The following DPY19L3 variants were observed in gnomAD, a reference collection of about 807,000 sequenced individuals.
The protein encoded by DPY19L3 is protein C-mannosyl-transferase DPY19L3.
Under a neutral mutation model 92.3 loss-of-function variants are expected in DPY19L3, and 51 were observed. The observed-to-expected ratio is 0.55, with a 90% confidence interval of 0.44 to 0.70. The LOEUF is 0.70. Among genes scored for constraint, DPY19L3 ranks in the 30% least tolerant of loss-of-function variants. The pLI, the probability that DPY19L3 is intolerant of heterozygous loss-of-function variation, is 0.00. For synonymous variants in DPY19L3, 309 were observed against 315.2 expected, an observed-to-expected ratio of 0.98 and a Z score of 0.21; for missense variants, 706 against 855.9, an observed-to-expected ratio of 0.82 and a Z score of 2.18.
At chr19:32,417,901 A>G (rs1968431445) in intron 3 of DPY19L3, among the ~76,000 whole-genome samples, 1 of 152,226 alleles carries the variant, frequency 6.6e-6, no homozygotes, top group African/African-American at 2.4e-5. Flanking sequence ...GGCAGGGAAC[A>G]ATGAGCTCAG....
chr19:32,474,178 T>G (rs1368377810), intron 16 of DPY19L3, among the ~76,000 whole-genome samples: 2 of 152,268 alleles, frequency 1.3e-5, no homozygotes, highest in Non-Finnish European at 2.9e-5. Context: ...AGCCAAGTCC[T>G]CAGTGAAAGA....
chr19:32,444,466 C>T (rs953100369), intron 8 of DPY19L3, among the ~76,000 whole-genome samples: 3 of 152,060 alleles, frequency 2.0e-5, no homozygotes, highest in Admixed American at 2.0e-4. Flanking sequence ...ACCTGTGAGA[C>T]TATAATGAAA....
At chr19:32,438,979 C>T (rs1347127006) in intron 6 of DPY19L3, 133 bp from the exon 7 acceptor site, 1 of 900,866 alleles carries the variant, frequency 1.1e-6, no homozygotes, top group East Asian at 2.5e-5. Context: ...ATGATAAGGA[C>T]AATTATTGAG....
At chr19:32,432,903 A>G (rs1164575686) in intron 4 of DPY19L3, 97 bp downstream of exon 4, 8 of 932,354 alleles carry the variant, frequency 8.6e-6, no homozygotes, top group South Asian at 1.5e-5. Context: ...AATGCTCTCT[A>G]GAACATGTGT....
chr19:32,464,110 A>G (rs1970128380), intron 14 of DPY19L3, 130 bp downstream of exon 14: 1 of 440,080 alleles, frequency 2.3e-6, no homozygotes, highest in African/African-American at 2.0e-5. Flanking sequence ...TACATAATTG[A>G]TATATTAAGA....
intron 16 of DPY19L3, among the ~76,000 whole-genome samples, chr19:32,474,123 A>T (rs1169819356): frequency 6.6e-6 from 1 of 152,214 alleles, no homozygotes; most frequent in Non-Finnish European, 1.5e-5. Context: ...TTTTTAATTC[A>T]TCTTATAGGC....
intron 1 of DPY19L3, 72 bp from the exon 2 acceptor site, chr19:32,408,145 T>C: frequency 2.7e-6 from 2 of 751,994 alleles, no homozygotes; most frequent in South Asian, 3.4e-5. Flanking sequence ...GTAAAGGCAT[T>C]TCAGCATGGA....
At chr19:32,422,489 G>A (rs778852680) in intron 3 of DPY19L3, among the ~76,000 whole-genome samples, 12 of 152,130 alleles carry the variant, frequency 7.9e-5, no homozygotes, top group Non-Finnish European at 1.6e-4. Context: ...TGTTGGACAG[G>A]ACTGAGAGAG....
intron 8 of DPY19L3, among the ~76,000 whole-genome samples, chr19:32,444,818 C>CA (rs1221321137): frequency 1.3e-5 from 2 of 152,100 alleles, no homozygotes; most frequent in Non-Finnish European, 2.9e-5. Flanking sequence ...CACAGTGACT[C>CA]ACGCCTGTAA....
chr19:32,423,422 G>GTTTTTTTTTTTTTTTTTTT (rs1599601418), intron 3 of DPY19L3, among the ~76,000 whole-genome samples: 8 of 48,484 alleles, frequency 1.7e-4, no homozygotes, highest in African/African-American at 3.1e-4. Flanking sequence ...TTTTTTTTTG[G>GTTTTTTTTTTTTTTTTTTT]TATTTTTAGT....
intron 16 of DPY19L3, among the ~76,000 whole-genome samples, chr19:32,473,732 A>G (rs895421982): frequency 3.3e-5 from 5 of 152,276 alleles, no homozygotes; most frequent in African/African-American, 4.8e-5. Flanking sequence ...ACAAAGCCAC[A>G]TGGCATGGAG....
intron 16 of DPY19L3, among the ~76,000 whole-genome samples, chr19:32,470,510 A>G (rs1312246374): frequency 1.3e-5 from 2 of 152,202 alleles, no homozygotes; most frequent in Non-Finnish European, 2.9e-5. Context: ...AGTCATTAAA[A>G]ATGTATTCTA....
At chr19:32,468,857 A>C (rs953842554) in intron 16 of DPY19L3, 44 bp downstream of exon 16, 5 of 1,600,244 alleles carry the variant, frequency 3.1e-6, no homozygotes, top group Non-Finnish European at 4.3e-6. Context: ...AGTGCCTTTT[A>C]AGAGTCACTA....
chr19:32,447,770 TAGATA>T (rs752980317), intron 8 of DPY19L3, among the ~76,000 whole-genome samples: 2,830 of 143,534 alleles, frequency 0.02, 46 homozygotes, highest in African/African-American at 0.033. Flanking sequence ...GATAGATAGA[TAGATA>T]GATTAGATAA....
rs551713806 is a variant in DPY19L3, at chr19:32,430,725, A to G, written c.238-1991A>G. On this transcript the variant is annotated intron_variant, in intron 3 of 18. Transcript: ENST00000392250. ...CAGCCTCCCAGTAGGCTGAGTCTCAATCGATCCCCCTTCCTCAACCTCCCC... is the reference window on the plus strand; with the variant it reads ...CAGCCTCCCAGTAGGCTGAGTCTCAGTCGATCCCCCTTCCTCAACCTCCCC... Among the ~76,000 whole-genome samples, 272 of 151,580 alleles carry G rather than the reference A, an allele frequency of 1.8e-3. 1 individual carries two copies. Among genetic ancestry groups the G allele is most frequent in the African/African-American group, 3.9e-3 (163 of 41,278 alleles).
intron 16 of DPY19L3, among the ~76,000 whole-genome samples, chr19:32,475,032 C>T (rs1190496254): frequency 6.6e-6 from 1 of 152,214 alleles, no homozygotes; most frequent in Non-Finnish European, 1.5e-5. Context: ...CCTTTGTGAA[C>T]TCTGTAATTC....
chr19:32,412,973 T>C (rs1038629304), intron 3 of DPY19L3: 5 of 152,178 alleles, frequency 3.3e-5, no homozygotes, highest in African/African-American at 4.8e-5. Context: ...TGTGACTCTT[T>C]AAACACGTTT....
intron 3 of DPY19L3, among the ~76,000 whole-genome samples, chr19:32,422,901 T>C (rs1968622490): frequency 6.6e-6 from 1 of 152,190 alleles, no homozygotes; most frequent in African/African-American, 2.4e-5. Flanking sequence ...TCCACAGTAA[T>C]GTCTAATGGT....
chr19:32,437,335 A>G lies in DPY19L3; in HGVS notation c.592A>G (p.Asn198Asp), dbSNP rs1969175558. Residue 198 changes from asparagine to aspartate, a missense_variant, in exon 6 of 19, where the codon AAT becomes GAT. Physicochemically the swap from Asn to Asp is conservative, Grantham distance 23. Coordinates refer to ENST00000392250, the MANE Select transcript of DPY19L3 (RefSeq NM_001172774.2). ...GLLAAFWYVT[N>D]RIDTTRVEFT... Reference sequence around the variant, plus strand: ...GTTGGCAGCTTTCTGGTATGTCACAAATAGGTGAGTTGGAGTCAGTATGCT... The same window carrying G: ...GTTGGCAGCTTTCTGGTATGTCACAGATAGGTGAGTTGGAGTCAGTATGCT... 18 of 1,613,344 alleles carry G rather than the reference A, an allele frequency of 1.1e-5. No homozygotes were observed. The highest frequency in any genetic ancestry group is 1.5e-5 in the Non-Finnish European group (18 of 1,179,590).
Sources: allele counts gnomAD v4.1 joint callset (sites outside exome capture counted in the v4.1 genomes callset), GRCh38; gene constraint gnomAD v4.1.1; transcripts MANE v1.5; gene names NCBI Gene and HGNC (gene_info 2026-07-23, HGNC 2026-07-21).